Variants in MAP4K5 observed in about 807,000 individuals in gnomAD.
MAP4K5 encodes the protein MAPK/ERK kinase kinase kinase 5.
In MAP4K5, 82 loss-of-function variants were observed where a neutral mutation model predicts 135.6. That is an observed-to-expected ratio of 0.60 (90% CI 0.51 to 0.73). MAP4K5 has a LOEUF of 0.73. MAP4K5 is among the 30% of genes least tolerant of loss of function. The pLI, the probability that MAP4K5 is intolerant of heterozygous loss-of-function variation, is 0.00. For missense variants in MAP4K5, 907 were observed against 1,010.9 expected (o/e 0.90, Z 1.39); for synonymous variants, 347 against 335.0 (o/e 1.04, Z -0.39).
intron 3 of MAP4K5, among the ~76,000 whole-genome samples, chr14:50,489,309 C>G (rs1405245003): frequency 6.6e-6 from 1 of 152,170 alleles, no homozygotes; most frequent in Non-Finnish European, 1.5e-5. Context: ...AATCACGCCA[C>G]TGCACTTCAG....
chr14:50,550,577 CACT>C (rs1298069436), intron 1 of MAP4K5, among the ~76,000 whole-genome samples: 2 of 152,206 alleles, frequency 1.3e-5, no homozygotes, highest in Non-Finnish European at 2.9e-5. Context: ...AACCCAGGAT[CACT>C]AGGGATTGTC....
chr14:50,479,849 C>A (rs1387597311), intron 6 of MAP4K5, among the ~76,000 whole-genome samples: 2 of 152,182 alleles, frequency 1.3e-5, no homozygotes, highest in Non-Finnish European at 2.9e-5. Flanking sequence ...TGGCTTGGGA[C>A]CCCACCTGGG....
intron 3 of MAP4K5, among the ~76,000 whole-genome samples, chr14:50,487,583 T>C (rs953187565): frequency 1.3e-5 from 2 of 152,218 alleles, no homozygotes; most frequent in Non-Finnish European, 2.9e-5. Context: ...AATGGTTACG[T>C]ATACCTTAAA....
intron 3 of MAP4K5, 53 bp from the exon 4 acceptor site, chr14:50,486,247 AAAG>A: frequency 1.5e-6 from 1 of 650,950 alleles, no homozygotes; most frequent in South Asian, 1.9e-5. Flanking sequence ...CTACATATGA[AAAG>A]AAGGAAGGAA....
rs141106236 is a variant in MAP4K5 at position 50,510,486 on chromosome 14, T to C, written c.109-5629A>G. ...CTACGCATGATCCTTTGAAAGGCTG[T>C]GCCACATGGTAGATGCTCTACAAAT... On this transcript the variant is annotated intron_variant, in intron 2 of 32. Transcript: ENST00000682126. 1.2e-4 allele frequency among the ~76,000 whole-genome samples: 19 copies of C among 152,314 alleles called. No individual in the cohort carries two copies. The East Asian group carries it at 2.1e-3, about 17-fold the overall frequency.
chr14:50,482,319 G>T, intron 6 of MAP4K5, 42 bp downstream of exon 6: 2 of 1,179,066 alleles, frequency 1.7e-6, no homozygotes, highest in Non-Finnish European at 2.3e-6. Context: ...AGAAAATATT[G>T]CCTAGAATTG....
intron 3 of MAP4K5, among the ~76,000 whole-genome samples, chr14:50,502,890 C>G (rs1300608369): frequency 6.6e-6 from 1 of 151,942 alleles, no homozygotes; most frequent in Non-Finnish European, 1.5e-5. Context: ...AGAGAGTTCT[C>G]TTTCATCCCT....
At chr14:50,457,733 A>G (rs1376961458) in intron 13 of MAP4K5, among the ~76,000 whole-genome samples, 4 of 152,120 alleles carry the variant, frequency 2.6e-5, no homozygotes, top group Non-Finnish European at 5.9e-5. Context: ...TGATCTTTTG[A>G]GCTTACTCTC....
intron 10 of MAP4K5, among the ~76,000 whole-genome samples, chr14:50,467,037 C>T (rs1413470883): frequency 6.6e-6 from 1 of 152,084 alleles, no homozygotes; most frequent in African/African-American, 2.4e-5. Flanking sequence ...GACTGGCCTC[C>T]ATATTTATTT....
At chr14:50,447,309 C>T (rs2036376487) in intron 16 of MAP4K5, 105 bp downstream of exon 16, 1 of 682,834 alleles carries the variant, frequency 1.5e-6, no homozygotes, top group Middle Eastern at 4.0e-4. Context: ...AATGGCATAA[C>T]TTTTTCAAGA....
At chr14:50,422,765 TATC>T (rs1245072570) in intron 32 of MAP4K5, among the ~76,000 whole-genome samples, 1 of 152,014 alleles carries the variant, frequency 6.6e-6, no homozygotes, top group African/African-American at 2.4e-5. Flanking sequence ...TAAAAGCAAA[TATC>T]ATCAAGAGGT....
At chr14:50,469,456 TAC>T (rs995856026) in intron 9 of MAP4K5, among the ~76,000 whole-genome samples, 2 of 152,148 alleles carry the variant, frequency 1.3e-5, no homozygotes, top group African/African-American at 2.4e-5. Context: ...CTACTGTTTA[TAC>T]AAAAAAGGTT....
At chr14:50,531,092 T>C (rs531782239) in intron 2 of MAP4K5, among the ~76,000 whole-genome samples, 1 of 152,354 alleles carries the variant, frequency 6.6e-6, no homozygotes, top group East Asian at 1.9e-4. Flanking sequence ...GCTGCACTAA[T>C]GCTCCCTTTT....
intron 2 of MAP4K5, among the ~76,000 whole-genome samples, chr14:50,525,237 C>T (rs11157750): frequency 0.85 from 129,373 of 152,144 alleles, 56,608 homozygotes; most frequent in Non-Finnish European, 0.94. Flanking sequence ...AAACCAAACA[C>T]AAAATCCAGA....
At position 50,456,581 on chromosome 14, in the gene MAP4K5, A is replaced by G; in HGVS notation, c.950T>C (p.Ile317Thr). The change falls in exon 14 of 33, where the codon ATT becomes ACT. Residue 317 changes from isoleucine to threonine, a missense_variant. By Grantham distance (89) the Ile-to-Thr change is moderately conservative. Transcript: ENST00000682126. ...GTTTGTAGATCTAATGGTATGACGA[A>G]TGATTGCATGGGGCTGTGAATATAA... ...DDDDFEPHAI[I>T]RHTIRSTNRN... 2 of 1,572,084 alleles carry G rather than the reference A, an allele frequency of 1.3e-6. No homozygotes were observed. Among genetic ancestry groups the G allele is most frequent in the Non-Finnish European group, 1.7e-6 (2 of 1,156,922 alleles).
intron 1 of MAP4K5, among the ~76,000 whole-genome samples, chr14:50,546,503 A>T (rs1390487569): frequency 6.6e-6 from 1 of 152,202 alleles, no homozygotes; most frequent in African/African-American, 2.4e-5. Flanking sequence ...ATTAAGGTAA[A>T]GTCAAGTACT....
chr14:50,490,128 A>AGT (rs1555356344), intron 3 of MAP4K5, among the ~76,000 whole-genome samples: 26 of 63,582 alleles, frequency 4.1e-4, no homozygotes, highest in Admixed American at 3.9e-3. Flanking sequence ...AGAGCGAGTG[A>AGT]GAGTGTGTGT....
At position 50,486,087 on chromosome 14, in the gene MAP4K5, G is replaced by GT. The variant is rs1348437957; in HGVS notation, c.257+16_257+17insA. On this transcript the variant is annotated intron_variant, in intron 4 of 32. Coordinates refer to ENST00000682126, the MANE Select transcript of MAP4K5 (RefSeq NM_006575.6). ...TATATAAAATACAGAGAGAGATGAT[G>GT]CTTTTTTTTCTCTTACCTAAGATAA... is the stretch of plus-strand genomic sequence containing the variant. 1.9e-5 allele frequency: 18 copies of GT among 955,160 alleles called. No individual in the cohort carries two copies. The highest frequency in any genetic ancestry group is 2.5e-5 in the Admixed American group (1 of 40,254). 59.2% of individuals were successfully genotyped at this position (955,160 alleles called of 1,614,324 possible).
intron 2 of MAP4K5, among the ~76,000 whole-genome samples, chr14:50,525,006 C>T (rs570398672): frequency 6.6e-6 from 1 of 152,152 alleles, no homozygotes; most frequent in African/African-American, 2.4e-5. Flanking sequence ...TTCTCAGACA[C>T]CTTCAATATA....
Sources: allele counts gnomAD v4.1 joint callset (sites outside exome capture counted in the v4.1 genomes callset), GRCh38; gene constraint gnomAD v4.1.1; transcripts MANE v1.5; gene names NCBI Gene and HGNC (gene_info 2026-07-23, HGNC 2026-07-21).